The following EVI5 variants were observed in gnomAD, a reference collection of about 807,000 sequenced individuals.
EVI5 encodes the protein ecotropic viral integration site 5 protein homolog.
In EVI5, 73 loss-of-function variants were observed where a neutral mutation model predicts 112.0. That is an observed-to-expected ratio of 0.65 (90% confidence interval 0.54 to 0.79). The LOEUF (loss-of-function observed/expected upper bound fraction) is 0.79, where lower values mean the gene tolerates loss of function less well. Ranked by LOEUF, EVI5 falls within the 30% of genes least tolerant of loss-of-function variation. EVI5 has a pLI of 0.00. For synonymous variants in EVI5, 305 were observed against 319.9 expected (o/e 0.95, Z 0.50); for missense variants, 900 against 968.8 (o/e 0.93, Z 0.94).
chr1:92,529,400 C>T (rs1462707128), intron 19 of EVI5, among the ~76,000 whole-genome samples: 2 of 151,898 alleles, frequency 1.3e-5, no homozygotes, highest in African/African-American at 4.9e-5. Context: ...CAGACTGAAG[C>T]ATACATTGCC....
intron 1 of EVI5, among the ~76,000 whole-genome samples, chr1:92,746,877 A>G (rs528516542): frequency 2.7e-5 from 4 of 147,376 alleles, no homozygotes; most frequent in Non-Finnish European, 4.5e-5. Context: ...CCTGGGCAAC[A>G]GAGCAAGACT....
At chr1:92,750,367 G>T (rs931196570) in intron 1 of EVI5, among the ~76,000 whole-genome samples, 2 of 152,046 alleles carry the variant, frequency 1.3e-5, no homozygotes, top group Non-Finnish European at 2.9e-5. Context: ...ATAAAAAATG[G>T]TATTTGCTTT....
chr1:92,730,819 A>C (rs1676345368), intron 2 of EVI5, among the ~76,000 whole-genome samples: 1 of 152,184 alleles, frequency 6.6e-6, no homozygotes, highest in Non-Finnish European at 1.5e-5. Flanking sequence ...ACTTCCATTC[A>C]AATTTATACA....
chr1:92,683,007 A>T (rs1667870518), intron 9 of EVI5, among the ~76,000 whole-genome samples: 1 of 152,218 alleles, frequency 6.6e-6, no homozygotes, highest in African/African-American at 2.4e-5. Context: ...AACTTAAGTG[A>T]CATTTATCTT....
intron 14 of EVI5, among the ~76,000 whole-genome samples, chr1:92,633,981 TTTTC>T (rs1174488531): frequency 6.6e-6 from 1 of 152,256 alleles, no homozygotes; most frequent in Non-Finnish European, 1.5e-5. Flanking sequence ...TTGAAAATTC[TTTTC>T]TTTAAGAATG....
At position 92,513,567 on chromosome 1, in the gene EVI5, GTA is replaced by G. The variant is rs1374429503; in HGVS notation, c.*87_*88del. ...TATATATATATATATATATATATAT[GTA>G]CATATGAAACAAATTATTTCCAAAA... On this transcript the variant is annotated 3_prime_UTR_variant, in exon 20 of 20. Coordinates refer to ENST00000684568, the MANE Select transcript of EVI5 (RefSeq NM_001350197.2). 1.3e-4 allele frequency: 12 copies of G among 90,662 alleles called. 1 individual carries two copies. In the African/African-American group the frequency reaches 3.5e-3, roughly 26 times the overall value. 5.6% of individuals were successfully genotyped at this position (90,662 alleles called of 1,614,324 possible).
At chr1:92,779,080 T>C (rs1684532872) in intron 1 of EVI5, among the ~76,000 whole-genome samples, 1 of 152,152 alleles carries the variant, frequency 6.6e-6, no homozygotes, top group African/African-American at 2.4e-5. Flanking sequence ...AAGTCCTACT[T>C]ACAAGTTCAG....
intron 19 of EVI5, among the ~76,000 whole-genome samples, chr1:92,526,456 G>C (rs1160254050): frequency 1.3e-5 from 2 of 152,216 alleles, no homozygotes; most frequent in Non-Finnish European, 2.9e-5. Flanking sequence ...GGAGGCAAGA[G>C]AGCATGGTAG....
chr1:92,735,654 T>TA (rs397946549), intron 2 of EVI5, among the ~76,000 whole-genome samples: 420 of 11,514 alleles, frequency 0.036, 2 homozygotes, highest in African/African-American at 0.094. Context: ...ATATATATAA[T>TA]TATATAATTC....
chr1:92,543,836 C>T (rs546341079), intron 19 of EVI5, among the ~76,000 whole-genome samples: 3 of 152,214 alleles, frequency 2.0e-5, no homozygotes, highest in Admixed American at 6.5e-5. Flanking sequence ...GTTGGAAAAA[C>T]GGCATTGAAA....
At chr1:92,734,468 T>G (rs944217158) in intron 2 of EVI5, among the ~76,000 whole-genome samples, 5 of 46,524 alleles carry the variant, frequency 1.1e-4, no homozygotes, top group African/African-American at 4.8e-4. Context: ...AGAAACTATT[T>G]CTTTTTCTTC....
chr1:92,781,041 A>G (rs1010041347), intron 1 of EVI5, among the ~76,000 whole-genome samples: 18 of 151,468 alleles, frequency 1.2e-4, no homozygotes, highest in Non-Finnish European at 2.1e-4. Context: ...TAGTAGAGAC[A>G]GGGTTTCGCC....
intron 14 of EVI5, among the ~76,000 whole-genome samples, chr1:92,635,844 A>C (rs1020337312): frequency 1.3e-5 from 2 of 152,144 alleles, no homozygotes; most frequent in East Asian, 1.9e-4. Flanking sequence ...GTCCTATTCT[A>C]TCTCTTCCAC....
At chr1:92,781,904 G>T (rs147571874) in intron 1 of EVI5, among the ~76,000 whole-genome samples, 1 of 141,182 alleles carries the variant, frequency 7.1e-6, no homozygotes, top group Non-Finnish European at 1.5e-5. Context: ...GCAGTGAGCC[G>T]TGATCGTGCC....
chr1:92,629,248 AT>A (rs1461431697), intron 14 of EVI5, among the ~76,000 whole-genome samples: 1 of 152,214 alleles, frequency 6.6e-6, no homozygotes, highest in Non-Finnish European at 1.5e-5. Context: ...TTCTAGCAAA[AT>A]TATTCCATTA....
intron 18 of EVI5, among the ~76,000 whole-genome samples, chr1:92,574,956 G>C (rs1316874131): frequency 6.6e-6 from 1 of 152,112 alleles, no homozygotes; most frequent in Admixed American, 6.6e-5. Flanking sequence ...CTACACAATT[G>C]GACAGGTTGC....
intron 2 of EVI5, among the ~76,000 whole-genome samples, chr1:92,735,750 AAATAT>A (rs1294665913): frequency 5.5e-5 from 8 of 144,226 alleles, no homozygotes; most frequent in Non-Finnish European, 1.1e-4. Flanking sequence ...AATCATATTA[AAATAT>A]AATATGATAT....
At chr1:92,579,721 C>T (rs928938537) in intron 18 of EVI5, among the ~76,000 whole-genome samples, 3 of 152,046 alleles carry the variant, frequency 2.0e-5, no homozygotes, top group Admixed American at 1.3e-4. Context: ...ATAGTTTTAA[C>T]TAAAAAACAA....
intron 19 of EVI5, among the ~76,000 whole-genome samples, chr1:92,550,734 G>A (rs1192939567): frequency 8.5e-5 from 6 of 70,578 alleles, no homozygotes; most frequent in East Asian, 9.6e-4. Flanking sequence ...GCAACAGAGC[G>A]AGACTCCGTC....
Sources: gnomAD v4.1 joint callset for allele counts (sites outside exome capture counted in the v4.1 genomes callset) on GRCh38, gnomAD v4.1.1 for gene constraint, MANE v1.5 for transcripts, NCBI Gene and HGNC (gene_info 2026-07-23, HGNC 2026-07-21) for gene names.